The following DNAJC24 variants were observed in gnomAD, a reference collection of about 807,000 sequenced individuals.
The protein encoded by DNAJC24 is dnaJ homolog subfamily C member 24.
A neutral mutation model predicts 18.0 loss-of-function variants in DNAJC24; 17 were observed. The observed-to-expected ratio is 0.94, with a 90% CI of 0.65 to 1.42. The LOEUF (loss-of-function observed/expected upper bound fraction) is 1.42. DNAJC24 is among the 40% of genes most tolerant of loss of function. The pLI is 0.00. For missense variants in DNAJC24, 158 were observed against 175.6 expected, an observed-to-expected ratio of 0.90 and a Z score of 0.57; for synonymous variants, 55 against 57.7, an observed-to-expected ratio of 0.95 and a Z score of 0.21.
chr11:31,391,726 A>G (rs1013607146), intron 2 of DNAJC24, among the ~76,000 whole-genome samples: 2 of 152,230 alleles, frequency 1.3e-5, no homozygotes, highest in Non-Finnish European at 2.9e-5. Context: ...TAGAACCACC[A>G]TATGATCCAG....
chr11:31,417,505 C>T (rs1239207676), intron 3 of DNAJC24, among the ~76,000 whole-genome samples: 2 of 151,898 alleles, frequency 1.3e-5, no homozygotes, highest in Non-Finnish European at 2.9e-5. Context: ...GATAGGTTAC[C>T]GAGAGAGAGA....
At chr11:31,371,915 C>A (rs943289717) in intron 2 of DNAJC24, among the ~76,000 whole-genome samples, 1 of 150,634 alleles carries the variant, frequency 6.6e-6, no homozygotes, top group Non-Finnish European at 1.5e-5. Context: ...CCTCCGCCTC[C>A]CACTTTCAAA....
At position 31,370,703 on chromosome 11, in the gene DNAJC24, T is replaced by C. The variant is rs2133459831; in HGVS notation, c.-33-13T>C. The C allele has an allele frequency of 1.5e-6, 2 of 1,292,814 alleles. No individual in the cohort carries two copies. The highest frequency in any genetic ancestry group is 1.3e-5 in the South Asian group (1 of 74,766). The allele number at this position is 1,292,814 out of a possible 1,614,324, so 80.1% of individuals were successfully genotyped here. A position where few individuals can be genotyped will look rare whatever the true frequency, so the allele number is the denominator to read the frequency against. On this transcript the variant is annotated splice_polypyrimidine_tract_variant and intron_variant, in intron 1 of 4. Transcript: ENST00000465995. ...GCAAACTGTGATGAATTGTCATTAA[T>C]ATTTCTATTCAGCTAATCTGAGAAG...
intron 2 of DNAJC24, among the ~76,000 whole-genome samples, chr11:31,392,115 G>A (rs936889896): frequency 5.9e-5 from 9 of 152,142 alleles, no homozygotes; most frequent in African/African-American, 2.2e-4. Flanking sequence ...TAGATAGGTG[G>A]GGGAGAGGGC....
At chr11:31,390,435 C>T (rs889549733) in intron 2 of DNAJC24, among the ~76,000 whole-genome samples, 13 of 146,626 alleles carry the variant, frequency 8.9e-5, no homozygotes, top group Admixed American at 3.4e-4. Flanking sequence ...AGGCCGGGTG[C>T]GGTGGCTCAT....
chr11:31,388,436 C>G (rs547246641), intron 2 of DNAJC24, among the ~76,000 whole-genome samples: 1 of 152,122 alleles, frequency 6.6e-6, no homozygotes, highest in Non-Finnish European at 1.5e-5. Flanking sequence ...CAGTGGAAAC[C>G]TTACAGGCCA....
At chr11:31,404,284 G>A (rs1252961857) in intron 2 of DNAJC24, among the ~76,000 whole-genome samples, 2 of 152,130 alleles carry the variant, frequency 1.3e-5, no homozygotes, top group Non-Finnish European at 2.9e-5. Flanking sequence ...ATTTTACCCA[G>A]CTCCTATTCA....
chr11:31,378,384 T>G (rs1385199275), intron 2 of DNAJC24, among the ~76,000 whole-genome samples: 2 of 152,214 alleles, frequency 1.3e-5, no homozygotes, highest in African/African-American at 4.8e-5. Flanking sequence ...AAACAATTCT[T>G]TTTCGTGATA....
Position 31,414,335 on chromosome 11 carries a change from A to G in DNAJC24, c.112-476A>G, listed in dbSNP as rs542720988. On this transcript the variant is annotated intron_variant, in intron 2 of 4. Coordinates refer to ENST00000465995, the MANE Select transcript of DNAJC24 (RefSeq NM_181706.5). ...TGAAAGTTGTCATGTTTATAATTAGATATATTTTTATTTAAAATTACGATT... is the reference window on the plus strand; with the variant it reads ...TGAAAGTTGTCATGTTTATAATTAGGTATATTTTTATTTAAAATTACGATT... Among the ~76,000 whole-genome samples the G allele has an allele frequency of 5.9e-5, 9 of 152,250 alleles. No homozygotes were observed. In the East Asian group the frequency reaches 1.7e-3, roughly 29 times the overall value.
intron 2 of DNAJC24, among the ~76,000 whole-genome samples, chr11:31,403,131 G>GCA (rs1952618700): frequency 6.8e-6 from 1 of 147,092 alleles, no homozygotes; most frequent in South Asian, 2.1e-4. Context: ...ATGCATGTGT[G>GCA]TGTGTGTGTG....
Position 31,370,951 on chromosome 11 carries a change from C to T in DNAJC24, c.111+92C>T, listed in dbSNP as rs12280861. On this transcript the variant is annotated intron_variant, in intron 2 of 4. Transcript: ENST00000465995. ...ATTTAGGTTTCCAGAAAATAGGATA[C>T]CAGTGGCAGGAATCCAGGTATTAAT... 1.7e-3 allele frequency: 1,141 copies of T among 687,420 alleles called. 14 individuals carry two copies. The African/African-American group carries it at 0.019, about 11-fold the overall frequency. 42.6% of individuals were successfully genotyped at this position (687,420 alleles called of 1,614,324 possible). A position where few individuals can be genotyped will look rare whatever the true frequency, so the allele number is the denominator to read the frequency against.
intron 3 of DNAJC24, chr11:31,416,345 C>T (rs1044389401): frequency 6.6e-6 from 1 of 152,004 alleles, no homozygotes; most frequent in African/African-American, 2.4e-5. Context: ...AAGTTCTACC[C>T]GTTGGTGTAT....
chr11:31,371,593 A>G (rs1037042993), intron 2 of DNAJC24, among the ~76,000 whole-genome samples: 1 of 152,096 alleles, frequency 6.6e-6, no homozygotes, highest in Admixed American at 6.5e-5. Context: ...ATAATCAAAC[A>G]GTTTTTATGT....
intron 3 of DNAJC24, 29 bp downstream of exon 3, chr11:31,414,978 A>G (rs774543304): frequency 1.2e-6 from 2 of 1,606,668 alleles, no homozygotes; most frequent in African/African-American, 2.7e-5. Context: ...GAGCCACAGC[A>G]CATCGGCAAC....
chr11:31,409,387 C>A lies in DNAJC24; in HGVS notation c.112-5424C>A, dbSNP rs1387274488. 2.0e-5 allele frequency among the ~76,000 whole-genome samples: 3 copies of A among 152,178 alleles called. No individual in the cohort carries two copies. The East Asian group carries it at 5.8e-4, about 29-fold the overall frequency. On this transcript the variant is annotated intron_variant, in intron 2 of 4. Coordinates refer to ENST00000465995, the MANE Select transcript of DNAJC24 (RefSeq NM_181706.5). ...TGTGCCTCCAGCAAGTTCCCTCATG[C>A]CCCTCTTTCTTAATTTCCACTACCT...
chr11:31,422,133 G>GT (rs951939541), intron 3 of DNAJC24: 1 of 237,466 alleles, frequency 4.2e-6, no homozygotes, highest in African/African-American at 2.3e-5. Context: ...TCTTTTTCAA[G>GT]TAAGCACATA....
At chr11:31,375,579 CAGAGAGG>C (rs1489721739) in intron 2 of DNAJC24, among the ~76,000 whole-genome samples, 1 of 134,250 alleles carries the variant, frequency 7.4e-6, no homozygotes, top group Non-Finnish European at 1.7e-5. Context: ...TTAACAAAAG[CAGAGAGG>C]AATAGGATCT....
chr11:31,394,994 C>A lies in DNAJC24; in HGVS notation c.112-19817C>A, dbSNP rs1395263123. 2.0e-5 allele frequency among the ~76,000 whole-genome samples: 3 copies of A among 152,090 alleles called. No individual in the cohort carries two copies. In the South Asian group the frequency reaches 6.2e-4, roughly 32 times the overall value. The stretch of plus-strand genomic sequence containing the variant: ...TGTCACTCAGGTGATAAGCATAGTA[C>A]CCCCAATTGGTAATTTGTTGATCCT... On this transcript the variant is annotated intron_variant, in intron 2 of 4. Transcript: ENST00000465995.
At chr11:31,401,853 A>G (rs144445954) in intron 2 of DNAJC24, among the ~76,000 whole-genome samples, 77 of 152,336 alleles carry the variant, frequency 5.1e-4, no homozygotes, top group Non-Finnish European at 9.8e-4. Flanking sequence ...CTCTCTGAGA[A>G]CCATGGGGCT....
Sources: allele counts gnomAD v4.1 joint callset (sites outside exome capture counted in the v4.1 genomes callset), GRCh38; gene constraint gnomAD v4.1.1; transcripts MANE v1.5; gene names NCBI Gene and HGNC (gene_info 2026-07-23, HGNC 2026-07-21).